SIRT1: variants seen among roughly 807,000 people sequenced by gnomAD.
The protein encoded by SIRT1 is sirtuin 1.
SIRT1 carries 24 observed loss-of-function variants against 67.9 expected under a neutral mutation model. That is an observed-to-expected ratio of 0.35 (90% confidence interval 0.26 to 0.50). The LOEUF (loss-of-function observed/expected upper bound fraction) is 0.50, where lower values mean the gene tolerates loss of function less well. Among genes scored for constraint, SIRT1 ranks in the 20% least tolerant of loss-of-function variants. The pLI is 0.98. For missense variants in SIRT1, 873 were observed against 937.2 expected (o/e 0.93, Z 0.89); for synonymous variants, 378 against 350.7 (o/e 1.08, Z -0.87).
chr10:67,891,206 G>A (rs1006276951), intron 3 of SIRT1, among the ~76,000 whole-genome samples, 196 bp from the exon 4 acceptor site: 3 of 151,978 alleles, frequency 2.0e-5, no homozygotes, highest in African/African-American at 7.3e-5. Flanking sequence ...TGGAATATGA[G>A]GTATGTTTAA....
intron 4 of SIRT1, among the ~76,000 whole-genome samples, chr10:67,901,956 CTT>C (rs1005944476): frequency 1.3e-5 from 2 of 151,896 alleles, no homozygotes; most frequent in Non-Finnish European, 2.9e-5. Context: ...AAAATGTACT[CTT>C]AATAATTTTC....
Position 67,912,920 on chromosome 10 carries a change from A to T in SIRT1, c.1804A>T (p.Asn602Tyr). The T allele has an allele frequency of 6.2e-7, 1 of 1,614,122 alleles. No homozygotes were observed. Among genetic ancestry groups the T allele is most frequent in the Non-Finnish European group, 8.5e-7 (1 of 1,180,026 alleles). The change falls in exon 8 of 9, where the codon AAT (asparagine) becomes TAT (tyrosine). Residue 602 changes from asparagine (N) to tyrosine (Y), a missense_variant. Coordinates refer to ENST00000212015, the MANE Select transcript of SIRT1 (RefSeq NM_012238.5). Reference sequence around the variant, plus strand: ...ACAGATGGAAAATCCGGATTTGAAGAATGTTGGTTCTAGTACTGGGGAGAA... The same window carrying T: ...ACAGATGGAAAATCCGGATTTGAAGTATGTTGGTTCTAGTACTGGGGAGAA... ...AEQMENPDLKNVGSSTGEKNE... is the reference protein window; with the variant it reads ...AEQMENPDLKYVGSSTGEKNE...
chr10:67,906,007 ACTT>A, intron 4 of SIRT1: 1 of 521,164 alleles, frequency 1.9e-6, no homozygotes, highest in Non-Finnish European at 2.9e-6. Context: ...TAGCACTACT[ACTT>A]TGAAGGAAAA....
intron 4 of SIRT1, chr10:67,906,392 T>C: frequency 8.6e-7 from 1 of 1,166,260 alleles, no homozygotes; most frequent in East Asian, 2.7e-5. Context: ...GTGCTTTTTT[T>C]TTTAAATCAC....
chr10:67,904,711 G>T (rs1842795229), intron 4 of SIRT1, among the ~76,000 whole-genome samples: 1 of 152,010 alleles, frequency 6.6e-6, no homozygotes, highest in Admixed American at 6.6e-5. Context: ...TGGGGTGGTG[G>T]CACATGCCTG....
At chr10:67,907,446 G>A (rs1842836535) in intron 5 of SIRT1, among the ~76,000 whole-genome samples, 1 of 139,516 alleles carries the variant, frequency 7.2e-6, no homozygotes, top group African/African-American at 2.7e-5. Flanking sequence ...AGCGAGCCAA[G>A]ATTGCACCAT....
chr10:67,918,045 C>T lies in SIRT1; in HGVS notation c.*1452C>T, dbSNP rs1006553264. The T allele has an allele frequency of 6.5e-6, 1 of 152,682 alleles. No homozygotes were observed. The highest frequency in any genetic ancestry group is 3.4e-3 in the Middle Eastern group (1 of 294). The allele number at this position is 152,682 out of a possible 1,614,324, so 9.5% of individuals were successfully genotyped here. ...GACCATTACTGCCAGAGAAAAAAAT[C>T]GTATTGAATGGCCATTTCCCTACTT... On this transcript the variant is annotated 3_prime_UTR_variant, in exon 9 of 9. Coordinates refer to ENST00000212015, the MANE Select transcript of SIRT1 (RefSeq NM_012238.5).
At chr10:67,890,382 G>A (rs1040524849) in intron 3 of SIRT1, among the ~76,000 whole-genome samples, 2 of 151,982 alleles carry the variant, frequency 1.3e-5, no homozygotes, top group Admixed American at 6.6e-5. Context: ...TGAAAATAGA[G>A]AATTGTTGTA....
At chr10:67,911,724 C>T (rs1842902027) in intron 7 of SIRT1, among the ~76,000 whole-genome samples, 1 of 147,136 alleles carries the variant, frequency 6.8e-6, no homozygotes, top group East Asian at 2.0e-4. Context: ...TTCCTTCGTC[C>T]ATCCTTCTGT....
chr10:67,886,921 G>C (rs1842492101), intron 1 of SIRT1, among the ~76,000 whole-genome samples: 1 of 151,524 alleles, frequency 6.6e-6, no homozygotes, highest in Admixed American at 6.6e-5. Context: ...ACCCAAGCTG[G>C]AGTGCAATGG....
intron 4 of SIRT1, 133 bp downstream of exon 4, chr10:67,891,687 C>A: frequency 1.2e-6 from 1 of 809,782 alleles, no homozygotes; most frequent in Non-Finnish European, 1.9e-6. Flanking sequence ...AGTAAGATCA[C>A]TCATTATGGC....
At chr10:67,916,235 G>A (rs1178466173) in intron 8 of SIRT1, 30 bp from the exon 9 acceptor site, 1 of 1,568,914 alleles carries the variant, frequency 6.4e-7, no homozygotes, top group African/African-American at 1.4e-5. Flanking sequence ...TTAGAAAACT[G>A]AAAGTAACAT....
intron 2 of SIRT1, among the ~76,000 whole-genome samples, chr10:67,887,965 A>G (rs1459316109): frequency 1.3e-5 from 2 of 152,160 alleles, no homozygotes; most frequent in Non-Finnish European, 2.9e-5. Flanking sequence ...ACTTTATTGT[A>G]CACTTACCAC....
At position 67,912,698 on chromosome 10, in the gene SIRT1, C is replaced by G; in HGVS notation, c.1582C>G (p.Pro528Ala). 1.2e-6 allele frequency: 2 copies of G among 1,614,096 alleles called. No homozygotes were observed. Among genetic ancestry groups the G allele is most frequent in the African/African-American group, 2.7e-5 (2 of 75,022 alleles). Residue 528 changes from proline (P) to alanine (A), a missense_variant, in exon 8 of 9, where the codon CCA (proline) becomes GCA (alanine). Transcript: ENST00000212015. ...AGAATTGGCTTATTTGTCAGAGTTG[C>G]CACCCACACCTCTTCATGTTTCAGA... ...QKELAYLSELPPTPLHVSEDS... is the reference protein window; with the variant it reads ...QKELAYLSELAPTPLHVSEDS...
Position 67,889,067 on chromosome 10 carries a change from G to A in SIRT1, c.733G>A (p.Asp245Asn). 6.2e-7 allele frequency: 1 copy of A among 1,609,882 alleles called. No individual in the cohort carries two copies. The highest frequency in any genetic ancestry group is 8.5e-7 in the Non-Finnish European group (1 of 1,179,722). Residue 245 changes from aspartate to asparagine, a missense_variant, in exon 3 of 9, where the codon GAT (aspartate) becomes AAT (asparagine). Coordinates refer to ENST00000212015, the MANE Select transcript of SIRT1 (RefSeq NM_012238.5). ...KKRKDINTIE[D>N]AVKLLQECKK... ...AAGAAAAGATATTAATACAATTGAA[G>A]ATGCTGTGAAATTACTGCAAGAGTG...
chr10:67,896,053 A>G (rs551199216), intron 4 of SIRT1, among the ~76,000 whole-genome samples: 77 of 152,178 alleles, frequency 5.1e-4, no homozygotes, highest in Non-Finnish European at 9.1e-4. Flanking sequence ...AATTTCATTT[A>G]GACTGGAAAT....
chr10:67,887,609 T>G, intron 2 of SIRT1, 76 bp downstream of exon 2: 4 of 1,006,946 alleles, frequency 4.0e-6, no homozygotes, highest in Non-Finnish European at 6.1e-6. Flanking sequence ...AGAGTTTCGC[T>G]CTTGTTGCGG....
Position 67,914,059 on chromosome 10 carries a change from A to ATTTTTTTT in SIRT1, c.1915+1051_1915+1058dup, listed in dbSNP as rs57073724. On this transcript the variant is annotated intron_variant, in intron 8 of 8. Coordinates refer to ENST00000212015, the MANE Select transcript of SIRT1 (RefSeq NM_012238.5). ...GAACAAAACATCACACAAAAGGTAG[A>ATTTTTTTT]TTTTTTTTTTTTTTTTTTTTTTTTT... is the stretch of plus-strand genomic sequence containing the variant. Among the ~76,000 whole-genome samples, 23 of 88,240 alleles carry ATTTTTTTT rather than the reference A, an allele frequency of 2.6e-4. 3 individuals carry two copies. Among genetic ancestry groups the ATTTTTTTT allele is most frequent in the African/African-American group, 1.1e-3 (21 of 19,452 alleles). The allele number at this position is 88,240 out of a possible 152,430, so 57.9% of individuals were successfully genotyped here.
intron 3 of SIRT1, among the ~76,000 whole-genome samples, chr10:67,889,547 A>G (rs539078955): frequency 6.6e-6 from 1 of 152,264 alleles, no homozygotes; most frequent in African/African-American, 2.4e-5. Flanking sequence ...ACAGATTCCT[A>G]CCTTCCCTCC....
Sources: gnomAD v4.1 joint callset for allele counts (sites outside exome capture counted in the v4.1 genomes callset) on GRCh38, gnomAD v4.1.1 for gene constraint, MANE v1.5 for transcripts, NCBI Gene and HGNC (gene_info 2026-07-23, HGNC 2026-07-21) for gene names.